The following DCLK1 variants were observed in gnomAD, a reference collection of about 807,000 sequenced individuals.
The protein encoded by DCLK1 is doublecortin like kinase 1, also known as serine/threonine-protein kinase DCLK1.
A neutral mutation model predicts 86.2 loss-of-function variants in DCLK1; 16 were observed. The observed-to-expected ratio is 0.19, with a 90% CI of 0.13 to 0.28. DCLK1 has a LOEUF of 0.28. Among genes scored for constraint, DCLK1 ranks in the 10% least tolerant of loss-of-function variants. The pLI, the probability that DCLK1 is intolerant of heterozygous loss-of-function variation, is 1.00. For synonymous variants in DCLK1, 369 were observed against 370.5 expected (o/e 1.00, Z 0.05); for missense variants, 590 against 940.2 (o/e 0.63, Z 4.87).
At position 35,771,767 on chromosome 13, in the gene DCLK1, G is replaced by A. The variant is rs970286026; in HGVS notation, c.*2768C>T. The A allele has an allele frequency of 2.0e-5, 3 of 152,178 alleles. No homozygotes were observed. The highest frequency in any genetic ancestry group is 2.9e-5 in the Non-Finnish European group (2 of 68,030). The allele number at this position is 152,178 out of a possible 1,614,324, so 9.4% of individuals were successfully genotyped here. A position where few individuals can be genotyped will look rare whatever the true frequency, so the allele number is the denominator to read the frequency against. ...GGGAAAAAATATGGAAACACCGGTG[G>A]TGATGATTAAATTGATAATTACATA... On this transcript the variant is annotated 3_prime_UTR_variant, in exon 17 of 17. Transcript: ENST00000360631.
intron 4 of DCLK1, among the ~76,000 whole-genome samples, chr13:35,913,188 G>A (rs967436587): frequency 1.2e-4 from 18 of 152,208 alleles, no homozygotes; most frequent in African/African-American, 3.6e-4. Flanking sequence ...ATGATCGTCT[G>A]CCCAAAGGGC....
At position 35,855,545 on chromosome 13, in the gene DCLK1, T is replaced by A. The variant is rs773529191; in HGVS notation, c.941-952A>T. On this transcript the variant is annotated intron_variant, in intron 5 of 16. Coordinates refer to ENST00000360631, the MANE Select transcript of DCLK1 (RefSeq NM_001330071.2). ...TTCTAACATGGACACAGTCTTAGTG[T>A]TGGACCTGAATACCAACGGCGGAAT... The A allele has an allele frequency of 4.4e-6, 7 of 1,604,244 alleles. No individual in the cohort carries two copies. The Admixed American group carries it at 5.1e-5, about 12-fold the overall frequency.
intron 3 of DCLK1, among the ~76,000 whole-genome samples, chr13:36,083,090 C>T (rs568977894): frequency 6.6e-6 from 1 of 152,230 alleles, no homozygotes; most frequent in Non-Finnish European, 1.5e-5. Flanking sequence ...CGATTCCAAA[C>T]TGCTATTTAA....
At chr13:35,997,384 A>C (rs1880520774) in intron 3 of DCLK1, among the ~76,000 whole-genome samples, 1 of 152,260 alleles carries the variant, frequency 6.6e-6, no homozygotes, top group Non-Finnish European at 1.5e-5. Flanking sequence ...ATCGTAGAGC[A>C]GAAATCTCAA....
intron 10 of DCLK1, among the ~76,000 whole-genome samples, chr13:35,824,386 C>T (rs376811740): frequency 1.3e-5 from 2 of 152,186 alleles, no homozygotes; most frequent in East Asian, 1.9e-4. Flanking sequence ...CGCTTTGTTG[C>T]CCAGGCTGGT....
chr13:36,114,615 A>G (rs1362512503), intron 2 of DCLK1, among the ~76,000 whole-genome samples: 1 of 152,256 alleles, frequency 6.6e-6, no homozygotes, highest in Non-Finnish European at 1.5e-5. Flanking sequence ...CCATTTTATC[A>G]TGAAAAGAAA....
intron 3 of DCLK1, among the ~76,000 whole-genome samples, chr13:35,999,597 A>T (rs945621202): frequency 6.6e-6 from 1 of 152,140 alleles, no homozygotes; most frequent in African/African-American, 2.4e-5. Flanking sequence ...CATCAGGGAG[A>T]CAGACTCTTT....
intron 3 of DCLK1, among the ~76,000 whole-genome samples, chr13:36,028,181 T>A (rs1056813172): frequency 6.6e-6 from 1 of 152,234 alleles, no homozygotes; most frequent in Admixed American, 6.5e-5. Context: ...AACTACTGAC[T>A]ATAAAAAATA....
At chr13:35,775,963 G>A (rs963176418) in intron 16 of DCLK1, among the ~76,000 whole-genome samples, 6 of 152,218 alleles carry the variant, frequency 3.9e-5, no homozygotes, top group African/African-American at 1.4e-4. Context: ...ACAGTAAATG[G>A]CTTCGTTAGG....
At chr13:35,786,471 G>A (rs2086623254) in intron 16 of DCLK1, among the ~76,000 whole-genome samples, 1 of 152,180 alleles carries the variant, frequency 6.6e-6, no homozygotes, top group Non-Finnish European at 1.5e-5. Context: ...GCTAATTAAT[G>A]TGGCTGGACT....
chr13:35,884,366 A>G (rs962880048), intron 4 of DCLK1, among the ~76,000 whole-genome samples: 1 of 152,216 alleles, frequency 6.6e-6, no homozygotes, highest in Non-Finnish European at 1.5e-5. Flanking sequence ...AGACTTTGAA[A>G]GTGGAACAAG....
intron 3 of DCLK1, among the ~76,000 whole-genome samples, chr13:36,060,156 C>T (rs891494342): frequency 6.6e-6 from 1 of 152,078 alleles, no homozygotes; most frequent in African/African-American, 2.4e-5. Flanking sequence ...CAGGGGTGAG[C>T]CACCACACCC....
chr13:35,847,722 G>A, intron 6 of DCLK1: 9 of 984,032 alleles, frequency 9.1e-6, no homozygotes, highest in Non-Finnish European at 1.1e-5. Flanking sequence ...GGTTATGTAG[G>A]GTATATATAT....
chr13:36,102,984 T>TA (rs1885268186), intron 3 of DCLK1, among the ~76,000 whole-genome samples: 2 of 152,220 alleles, frequency 1.3e-5, no homozygotes, highest in Admixed American at 1.3e-4. Flanking sequence ...AATGGCTTGA[T>TA]ACGTTTCCCA....
At chr13:35,831,156 AT>A (rs1235658958) in intron 8 of DCLK1, among the ~76,000 whole-genome samples, 1 of 152,186 alleles carries the variant, frequency 6.6e-6, no homozygotes, top group African/African-American at 2.4e-5. Flanking sequence ...TCGTAATAGG[AT>A]TAAACCTTCC....
At chr13:35,845,195 C>T (rs1333933474) in intron 6 of DCLK1, among the ~76,000 whole-genome samples, 1 of 152,134 alleles carries the variant, frequency 6.6e-6, no homozygotes, top group African/African-American at 2.4e-5. Flanking sequence ...TTGCAGTGAG[C>T]CAAGATCGCA....
At chr13:36,043,693 A>G (rs1161959697) in intron 3 of DCLK1, among the ~76,000 whole-genome samples, 1 of 152,074 alleles carries the variant, frequency 6.6e-6, no homozygotes, top group Non-Finnish European at 1.5e-5. Context: ...TATGAGGGAG[A>G]ATAGCATCAG....
At chr13:36,110,827 ATTT>A (rs869131031) in intron 3 of DCLK1, among the ~76,000 whole-genome samples, 39 of 120,124 alleles carry the variant, frequency 3.2e-4, no homozygotes, top group African/African-American at 1.2e-3. Flanking sequence ...CATATAATCA[ATTT>A]TTTTTTTTTT....
At chr13:35,850,741 A>C (rs780578347) in intron 6 of DCLK1, 3 of 1,603,920 alleles carry the variant, frequency 1.9e-6, no homozygotes, top group South Asian at 2.2e-5. Context: ...CTCCTACTGA[A>C]TCCAAGTCAT....
Sources: gnomAD v4.1 joint callset for allele counts (sites outside exome capture counted in the v4.1 genomes callset) on GRCh38, gnomAD v4.1.1 for gene constraint, MANE v1.5 for transcripts, NCBI Gene and HGNC (gene_info 2026-07-23, HGNC 2026-07-21) for gene names.